Variants in ACE observed in about 807,000 individuals in gnomAD.
ACE encodes angiotensin I converting enzyme, also known as angiotensin-converting enzyme.
Under a neutral mutation model 162.3 loss-of-function variants are expected in ACE, and 122 were observed. The ratio of observed to expected loss-of-function variants is 0.75; its 90% CI spans 0.65 to 0.87. ACE has a LOEUF of 0.87. Ranked by LOEUF, ACE falls within the 40% of genes least tolerant of loss-of-function variation. The pLI is 0.00. For missense variants in ACE, 1,799 were observed against 1,735.1 expected, an observed-to-expected ratio of 1.04 and a Z score of -0.65; for synonymous variants, 796 against 720.6, an observed-to-expected ratio of 1.10 and a Z score of -1.68.
rs778451287 is a variant in ACE, at chr17:63,483,925, C to T, written c.1663C>T (p.His555Tyr). ...CKEAGYEGPLHQCDIYRSTKA... is the reference protein window; with the variant it reads ...CKEAGYEGPLYQCDIYRSTKA... ...GGAGGCAGGCTATGAGGGCCCACTG[C>T]ACCAGTGTGACATCTACCGGTCCAC... Residue 555 changes from histidine to tyrosine, a missense_variant, in exon 11 of 25, where the codon CAC (histidine) becomes TAC (tyrosine). Coordinates refer to ENST00000290866, the MANE Select transcript of ACE (RefSeq NM_000789.4). 15 of 1,614,038 alleles carry T rather than the reference C, an allele frequency of 9.3e-6. No individual in the cohort carries two copies. Among genetic ancestry groups the T allele is most frequent in the Middle Eastern group, 1.6e-4 (1 of 6,084 alleles).
chr17:63,484,640 C>A lies in ACE; in HGVS notation c.1921+99C>A, dbSNP rs1386967229. ...CCTGGTCAGCTCCTACCAGCTGAGC[C>A]CTGGTACCCTGTCCTGGAGGGCCAG... On this transcript the variant is annotated intron_variant, in intron 12 of 24. Transcript: ENST00000290866. This position sits in a 1 kb window ranked among gnomAD's most constrained non-coding sequence, Gnocchi z 4.0. 2.7e-6 allele frequency: 4 copies of A among 1,465,824 alleles called. No individual in the cohort carries two copies. Among genetic ancestry groups the A allele is most frequent in the Non-Finnish European group, 3.6e-6 (4 of 1,098,464 alleles). 90.8% of individuals were successfully genotyped at this position (1,465,824 alleles called of 1,614,324 possible). A position where few individuals can be genotyped will look rare whatever the true frequency, so the allele number is the denominator to read the frequency against.
Position 63,484,922 on chromosome 17 carries a change from T to C in ACE, c.1922-314T>C. 2 of 1,595,946 alleles carry C rather than the reference T, an allele frequency of 1.3e-6. No homozygotes were observed. Among genetic ancestry groups the C allele is most frequent in the Non-Finnish European group, 1.7e-6 (2 of 1,171,266 alleles). ...TCCCAGCCTCCTCTTCCTGCTGCTC[T>C]GCTACGGGCACCCTCTGCTGGTCCC... On this transcript the variant is annotated intron_variant, in intron 12 of 24. Transcript: ENST00000290866. This position sits in a 1 kb window ranked among gnomAD's most constrained non-coding sequence, Gnocchi z 4.0.
In ACE at chr17:63,477,115, C is replaced by CCGGGGGCCGGGGCTGCTGCTG. The variant is rs1400363158; in HGVS notation, c.23_43dup (p.Arg8_Leu14dup). 21 of 1,334,998 alleles carry CCGGGGGCCGGGGCTGCTGCTG rather than the reference C, an allele frequency of 1.6e-5. No individual in the cohort carries two copies. In the African/African-American group the frequency reaches 2.9e-4, roughly 19 times the overall value. The allele number at this position is 1,334,998 out of a possible 1,614,324, so 82.7% of individuals were successfully genotyped here. A position where few individuals can be genotyped will look rare whatever the true frequency, so the allele number is the denominator to read the frequency against. ...GCGTCATGGGGGCCGCCTCGGGCCG[C>CCGGGGGCCGGGGCTGCTGCTG]CGGGGGCCGGGGCTGCTGCTGCCGC... On this transcript the variant is annotated inframe_insertion, in exon 1 of 25. Coordinates refer to ENST00000290866, the MANE Select transcript of ACE (RefSeq NM_000789.4).
intron 15 of ACE, 128 bp downstream of exon 15, chr17:63,487,201 TTTC>T: frequency 1.3e-6 from 1 of 784,126 alleles, no homozygotes; most frequent in South Asian, 1.5e-5. Flanking sequence ...GGAAATGCCC[TTTC>T]TTGTTTTCCA....
At position 63,483,989 on chromosome 17, in the gene ACE, G is replaced by T. The variant is rs761767955; in HGVS notation, c.1709+18G>T. 6.2e-7 allele frequency: 1 copy of T among 1,605,878 alleles called. No individual in the cohort carries two copies. Among genetic ancestry groups the T allele is most frequent in the Non-Finnish European group, 8.5e-7 (1 of 1,176,540 alleles). The stretch of plus-strand genomic sequence containing the variant: ...AAGCTCCGGTGTGTGGTGGGAAGCC[G>T]GGGGAAGTGGGAGGCAGAGAGGAGC... On this transcript the variant is annotated intron_variant, in intron 11 of 24. Transcript: ENST00000290866.
Position 63,491,314 on chromosome 17 carries a change from C to T in ACE, c.2845C>T (p.Pro949Ser), listed in dbSNP as rs779881202. ...CTGGAACAAGTCGATGCTGGAGAAG[C>T]CAACCGACGGGCGGGAGGTGGTCTG... ...EFWNKSMLEK[P>S]TDGREVVCHA... is the part of the protein sequence containing the mutation. Residue 949 changes from proline (P) to serine (S), a missense_variant, in exon 19 of 25, where the codon CCA becomes TCA. Transcript: ENST00000290866. This position sits in a 1 kb window ranked among gnomAD's most constrained non-coding sequence, Gnocchi z 4.4. The T allele has an allele frequency of 6.2e-7, 1 of 1,614,162 alleles. No homozygotes were observed. Among genetic ancestry groups the T allele is most frequent in the Admixed American group, 1.7e-5 (1 of 60,022 alleles).
intron 23 of ACE, 44 bp downstream of exon 23, chr17:63,496,560 C>G: frequency 1.2e-6 from 2 of 1,613,014 alleles, no homozygotes; most frequent in Non-Finnish European, 1.7e-6. Context: ...CTCTGGCCTG[C>G]GCCCCTGGGC....
At chr17:63,489,202 C>A in intron 17 of ACE, 70 bp downstream of exon 17, 1 of 1,553,812 alleles carries the variant, frequency 6.4e-7, no homozygotes, top group Non-Finnish European at 8.7e-7. Context: ...TGGGACAGGG[C>A]TGACTAGAGG....
At chr17:63,482,019 C>T (rs1055841528) in intron 7 of ACE, among the ~76,000 whole-genome samples, 1 of 152,162 alleles carries the variant, frequency 6.6e-6, no homozygotes, top group Non-Finnish European at 1.5e-5. Context: ...TTGTTTCTGC[C>T]AGGCACGGTG....
At chr17:63,479,271 T>C (rs1224138529) in intron 3 of ACE, among the ~76,000 whole-genome samples, 171 bp downstream of exon 3, 1 of 152,084 alleles carries the variant, frequency 6.6e-6, no homozygotes, top group Non-Finnish European at 1.5e-5. Flanking sequence ...CTGCTTCTCT[T>C]GGCAAGTGGA....
At chr17:63,490,514 G>T in intron 17 of ACE, 1 of 249,848 alleles carries the variant, frequency 4.0e-6, no homozygotes, top group Non-Finnish European at 7.9e-6. Flanking sequence ...TAACTCTCCA[G>T]CCTGTTTCCT....
At position 63,496,846 on chromosome 17, in the gene ACE, G is replaced by A; in HGVS notation, c.3552G>A (p.Gln1184=). ...GTAGGCCGTGGCCGGAAGCCATGCAGCTGATCACGGGCCAGCCCAACATGA... is the reference window on the plus strand; with the variant it reads ...GTAGGCCGTGGCCGGAAGCCATGCAACTGATCACGGGCCAGCCCAACATGA... ...GFSRPWPEAM[Q]LITGQPNMSA... Residue 1184 remains glutamine, a synonymous_variant, in exon 24 of 25, where the codon CAG becomes CAA. Transcript: ENST00000290866. The A allele has an allele frequency of 6.2e-7, 1 of 1,613,462 alleles. No individual in the cohort carries two copies. Among genetic ancestry groups the A allele is most frequent in the Non-Finnish European group, 8.5e-7 (1 of 1,180,040 alleles).
rs2049739443 is a variant in ACE, at chr17:63,483,112, T to G, written c.1426T>G (p.Trp476Gly). The G allele has an allele frequency of 6.2e-7, 1 of 1,614,038 alleles. No individual in the cohort carries two copies. The highest frequency in any genetic ancestry group is 1.1e-5 in the South Asian group (1 of 91,088). Residue 476 changes from tryptophan (W) to glycine (G), a missense_variant, in exon 9 of 25, where the codon TGG (tryptophan) becomes GGG (glycine). Coordinates refer to ENST00000290866, the MANE Select transcript of ACE (RefSeq NM_000789.4). ...TGGCTACTTGGTGGACCAGTGGCGC[T>G]GGGGGGTCTTTAGTGGGCGTACCCC... ...PFGYLVDQWR[W>G]GVFSGRTPPS...
Position 63,483,128 on chromosome 17 carries a change from G to A in ACE, c.1442G>A (p.Gly481Glu). Residue 481 changes from glycine (G) to glutamate (E), a missense_variant, in exon 9 of 25, where the codon GGG becomes GAG. Physicochemically the swap from Gly to Glu is moderately conservative, Grantham distance 98. Transcript: ENST00000290866. ...CAGTGGCGCTGGGGGGTCTTTAGTG[G>A]GCGTACCCCCCCTTCCCGCTACAAC... ...VDQWRWGVFSGRTPPSRYNFD... is the reference protein window; with the variant it reads ...VDQWRWGVFSERTPPSRYNFD... 1.2e-6 allele frequency: 2 copies of A among 1,614,032 alleles called. No individual in the cohort carries two copies. Among genetic ancestry groups the A allele is most frequent in the Non-Finnish European group, 1.7e-6 (2 of 1,180,000 alleles).
At chr17:63,485,814 A>G (rs1478779043) in intron 13 of ACE, 7 of 243,182 alleles carry the variant, frequency 2.9e-5, no homozygotes, top group African/African-American at 1.4e-4. Flanking sequence ...ATTTTGATGA[A>G]CATTTACTCA....
At position 63,497,679 on chromosome 17, in the gene ACE, C is replaced by T; in HGVS notation, c.*313C>T. ...ACAGGGACAGGCTGCTTTCCTGCCT[C>T]CTGGCAGTCAAGTGGGTCCCGTTAC... On this transcript the variant is annotated 3_prime_UTR_variant, in exon 25 of 25. Transcript: ENST00000290866. 1 of 578,622 alleles carries T rather than the reference C, an allele frequency of 1.7e-6. No homozygotes were observed. Among genetic ancestry groups the T allele is most frequent in the Non-Finnish European group, 3.2e-6 (1 of 312,814 alleles). 35.8% of individuals were successfully genotyped at this position (578,622 alleles called of 1,614,324 possible). A position where few individuals can be genotyped will look rare whatever the true frequency, so the allele number is the denominator to read the frequency against.
chr17:63,483,999 G>C, intron 11 of ACE, 28 bp downstream of exon 11: 2 of 1,601,192 alleles, frequency 1.2e-6, no homozygotes, highest in Non-Finnish European at 1.7e-6. Context: ...GGGGGAAGTG[G>C]GAGGCAGAGA....
At chr17:63,489,221 C>G in intron 17 of ACE, 89 bp downstream of exon 17, 7 of 1,488,958 alleles carry the variant, frequency 4.7e-6, no homozygotes, top group Non-Finnish European at 6.4e-6. Context: ...GGGTAGGGAG[C>G]AGGCTGGGGA....
intron 12 of ACE, 104 bp from the exon 13 acceptor site, chr17:63,485,132 G>A: frequency 6.3e-7 from 1 of 1,582,782 alleles, no homozygotes; most frequent in Non-Finnish European, 8.6e-7. Flanking sequence ...TAGGGACAGG[G>A]CAGGGTACAA....
Sources: gnomAD v4.1 joint callset for allele counts (sites outside exome capture counted in the v4.1 genomes callset) on GRCh38, gnomAD v4.1.1 for gene constraint, Gnocchi (gnomAD v3.1) non-coding constraint, MANE v1.5 for transcripts, NCBI Gene and HGNC (gene_info 2026-07-23, HGNC 2026-07-21) for gene names.